Variants in GALNT18 observed in about 807,000 individuals in gnomAD.
GALNT18 encodes the protein GalNAc-transferase 18.
GALNT18 carries 44 observed loss-of-function variants against 69.5 expected under a neutral mutation model. That is an observed-to-expected ratio of 0.63 (90% CI 0.50 to 0.81). GALNT18 has a LOEUF of 0.81. Among genes scored for constraint, GALNT18 ranks in the 40% least tolerant of loss-of-function variants. GALNT18 has a pLI of 0.00. For synonymous variants in GALNT18, 364 were observed against 318.2 expected (o/e 1.14, Z -1.53); for missense variants, 715 against 810.0 (o/e 0.88, Z 1.42).
intron 8 of GALNT18, among the ~76,000 whole-genome samples, chr11:11,330,390 C>A (rs1030192103): frequency 7.2e-5 from 11 of 152,224 alleles, no homozygotes; most frequent in African/African-American, 2.7e-4. Flanking sequence ...GTGGCTGCAT[C>A]CCACTTTGCC....
chr11:11,487,130 C>A (rs1856661693), intron 1 of GALNT18, among the ~76,000 whole-genome samples: 1 of 152,226 alleles, frequency 6.6e-6, no homozygotes, highest in Admixed American at 6.5e-5. Context: ...CCACTCATCT[C>A]CCCTCCCCCT....
At chr11:11,344,276 A>T (rs1850262080) in intron 6 of GALNT18, among the ~76,000 whole-genome samples, 1 of 151,534 alleles carries the variant, frequency 6.6e-6, no homozygotes, top group Non-Finnish European at 1.5e-5. Context: ...CCCTCACCTC[A>T]GACTTCTGCA....
intron 1 of GALNT18, among the ~76,000 whole-genome samples, chr11:11,460,862 G>GA (rs1856026519): frequency 6.6e-6 from 1 of 152,156 alleles, no homozygotes; most frequent in African/African-American, 2.4e-5. Flanking sequence ...AACCCTCTGA[G>GA]AAAAAATGTT....
rs140786484 is a variant in GALNT18 at position 11,335,037 on chromosome 11, C to T, written c.1279-2206G>A. Among the ~76,000 whole-genome samples the T allele has an allele frequency of 1.7e-3, 262 of 152,336 alleles. 1 individual carries two copies. Among genetic ancestry groups the T allele is most frequent in the Non-Finnish European group, 2.0e-3 (139 of 68,028 alleles). ...AGGACCCATTCATTCCTTCTCCCTT[C>T]ATGTTATAATTGTCTTTATGTGACT... On this transcript the variant is annotated intron_variant, in intron 7 of 10. Transcript: ENST00000227756.
In GALNT18 at chr11:11,421,088, A is replaced by G. The variant is rs1161535783; in HGVS notation, c.595+11533T>C. Among the ~76,000 whole-genome samples the G allele has an allele frequency of 2.0e-5, 3 of 152,182 alleles. No homozygotes were observed. The highest frequency in any genetic ancestry group is 4.8e-5 in the African/African-American group (2 of 41,456). The stretch of plus-strand genomic sequence containing the variant: ...CTCCCAGGTGCTGTCCTTCGTCAGC[A>G]GGGTAGCATGCTGGGGAGTTCCTGA... On this transcript the variant is annotated intron_variant, in intron 3 of 10. Transcript: ENST00000227756. The surrounding 1 kb of genome is among the most constrained non-coding windows in gnomAD (Gnocchi z 5.6).
chr11:11,460,841 G>A (rs559634745), intron 1 of GALNT18, among the ~76,000 whole-genome samples: 1 of 152,202 alleles, frequency 6.6e-6, no homozygotes, highest in South Asian at 2.1e-4. Flanking sequence ...ATTTGGGGAG[G>A]GGGGATTCAG....
At position 11,332,127 on chromosome 11, in the gene GALNT18, GGTCT is replaced by G. The variant is rs1850026426; in HGVS notation, c.1416+563_1416+566del. ...AGCAGCCTGGTTAAGATTTGAACCA[GGTCT>G]GTCTAACTCCAAACCCTATGCTCTG... On this transcript the variant is annotated intron_variant, in intron 8 of 10. Transcript: ENST00000227756. This position sits in a 1 kb window ranked among gnomAD's most constrained non-coding sequence, Gnocchi z 4.3. Among the ~76,000 whole-genome samples, 1 of 152,038 alleles carries G rather than the reference GGTCT, an allele frequency of 6.6e-6. No individual in the cohort carries two copies. Among genetic ancestry groups the G allele is most frequent in the Non-Finnish European group, 1.5e-5 (1 of 68,010 alleles).
At chr11:11,361,841 C>T (rs181125537) in intron 6 of GALNT18, among the ~76,000 whole-genome samples, 97 of 152,298 alleles carry the variant, frequency 6.4e-4, no homozygotes, top group African/African-American at 2.3e-3. Context: ...AAAGATGATA[C>T]TTGTGTCTTG....
chr11:11,294,356 C>G (rs11602891), intron 9 of GALNT18, among the ~76,000 whole-genome samples: 21,933 of 152,146 alleles, frequency 0.14, 1,727 homozygotes, highest in Middle Eastern at 0.2. Context: ...TGGTATGCAC[C>G]AAAATCCCAG....
chr11:11,515,727 G>A (rs1209999354), intron 1 of GALNT18, among the ~76,000 whole-genome samples: 1 of 152,256 alleles, frequency 6.6e-6, no homozygotes, highest in African/African-American at 2.4e-5. Context: ...CTGAACACGG[G>A]AAAGGAAGGA....
intron 3 of GALNT18, among the ~76,000 whole-genome samples, chr11:11,403,622 G>A (rs1854517328): frequency 6.6e-6 from 1 of 152,216 alleles, no homozygotes; most frequent in South Asian, 2.1e-4. Context: ...TCTTAGTCCA[G>A]GGCTATACTC....
rs1401497562 is a variant in GALNT18, at chr11:11,332,045, C to T, written c.1416+649G>A. The stretch of plus-strand genomic sequence containing the variant: ...ACTCTACGGGGATAGTATTGAATTA[C>T]CCCCATTTAACAGGTGAAGAAACTG... On this transcript the variant is annotated intron_variant, in intron 8 of 10. Transcript: ENST00000227756. The surrounding 1 kb of genome is among the most constrained non-coding windows in gnomAD (Gnocchi z 4.3). Among the ~76,000 whole-genome samples, 1 of 151,948 alleles carries T rather than the reference C, an allele frequency of 6.6e-6. No homozygotes were observed. Among genetic ancestry groups the T allele is most frequent in the Non-Finnish European group, 1.5e-5 (1 of 67,980 alleles).
At position 11,590,725 on chromosome 11, in the gene GALNT18, T is replaced by G. The variant is rs1859337315; in HGVS notation, c.235+30634A>C. ...ATATACAATGGTGGTCCCGTAAGATTACAATGGAGCCCAAAAATTCCTATT... is the reference window on the plus strand; with the variant it reads ...ATATACAATGGTGGTCCCGTAAGATGACAATGGAGCCCAAAAATTCCTATT... On this transcript the variant is annotated intron_variant, in intron 1 of 10. Coordinates refer to ENST00000227756, the MANE Select transcript of GALNT18 (RefSeq NM_198516.3). This position sits in a 1 kb window ranked among gnomAD's most constrained non-coding sequence, Gnocchi z 4.4. 6.6e-6 allele frequency among the ~76,000 whole-genome samples: 1 copy of G among 152,160 alleles called. No individual in the cohort carries two copies. The highest frequency in any genetic ancestry group is 2.4e-5 in the African/African-American group (1 of 41,438).
At chr11:11,390,694 C>T (rs994476425) in intron 3 of GALNT18, among the ~76,000 whole-genome samples, 1 of 152,234 alleles carries the variant, frequency 6.6e-6, no homozygotes, top group African/African-American at 2.4e-5. Context: ...TGCTTCAGAA[C>T]ACCTTCCAGC....
rs1855604723 is a variant in GALNT18 at position 11,444,550 on chromosome 11, T to A, written c.428+4194A>T. ...CCTAGCAACTGGCTGGACCGATGTT[T>A]TTCCTTCTAGTTGTGTCCTGTCTTG... On this transcript the variant is annotated intron_variant, in intron 2 of 10. Coordinates refer to ENST00000227756, the MANE Select transcript of GALNT18 (RefSeq NM_198516.3). This position sits in a 1 kb window ranked among gnomAD's most constrained non-coding sequence, Gnocchi z 4.4. Among the ~76,000 whole-genome samples the A allele has an allele frequency of 6.6e-6, 1 of 152,202 alleles. No individual in the cohort carries two copies. The highest frequency in any genetic ancestry group is 2.1e-4 in the South Asian group (1 of 4,828).
At chr11:11,474,535 G>C (rs540745077) in intron 1 of GALNT18, among the ~76,000 whole-genome samples, 2 of 152,326 alleles carry the variant, frequency 1.3e-5, no homozygotes, top group East Asian at 3.9e-4. Flanking sequence ...ATGAATGGAA[G>C]GAGGCCAGTG....
chr11:11,311,539 G>T (rs1326889200), intron 9 of GALNT18, among the ~76,000 whole-genome samples: 1 of 152,140 alleles, frequency 6.6e-6, no homozygotes, highest in Non-Finnish European at 1.5e-5. Flanking sequence ...CCTGCCTGGG[G>T]GTTGAGTCAA....
chr11:11,461,511 T>TTCTGCCTAGGAGAGATATAATAAAC lies in GALNT18; in HGVS notation c.236-12600_236-12576dup, dbSNP rs1300665626. Among the ~76,000 whole-genome samples, 5 of 152,210 alleles carry TTCTGCCTAGGAGAGATATAATAAAC rather than the reference T, an allele frequency of 3.3e-5. No homozygotes were observed. The highest frequency in any genetic ancestry group is 1.2e-4 in the African/African-American group (5 of 41,454). On this transcript the variant is annotated intron_variant, in intron 1 of 10. Transcript: ENST00000227756. The surrounding 1 kb of genome is among the most constrained non-coding windows in gnomAD (Gnocchi z 4.1). ...TTTAAAGCAACCTTTAAAGCTAGAA[T>TTCTGCCTAGGAGAGATATAATAAAC]TCTGCCTAGGAGAGATATAATAAAC...
In GALNT18 at chr11:11,619,958, G is replaced by T. The variant is rs987317108; in HGVS notation, c.235+1401C>A. 1.3e-5 allele frequency among the ~76,000 whole-genome samples: 2 copies of T among 152,148 alleles called. No homozygotes were observed. The highest frequency in any genetic ancestry group is 4.8e-5 in the African/African-American group (2 of 41,426). On this transcript the variant is annotated intron_variant, in intron 1 of 10. Coordinates refer to ENST00000227756, the MANE Select transcript of GALNT18 (RefSeq NM_198516.3). The surrounding 1 kb of genome is among the most constrained non-coding windows in gnomAD (Gnocchi z 4.9). ...GTCAGGAAGCACTATGGATGTGGAT[G>T]CCTCTCCTGCACTCACCTGAACCTC...
Sources: gnomAD v4.1 joint callset for allele counts (sites outside exome capture counted in the v4.1 genomes callset) on GRCh38, gnomAD v4.1.1 for gene constraint, Gnocchi (gnomAD v3.1) non-coding constraint, MANE v1.5 for transcripts, NCBI Gene and HGNC (gene_info 2026-07-23, HGNC 2026-07-21) for gene names.